MYO16: variants seen among roughly 807,000 people sequenced by gnomAD.
MYO16 encodes myosin XVI.
A neutral mutation model predicts 205.3 loss-of-function variants in MYO16; 94 were observed. The ratio of observed to expected loss-of-function variants is 0.46; its 90% CI spans 0.39 to 0.54. MYO16 has a LOEUF of 0.54. MYO16 is among the 20% of genes least tolerant of loss of function. The pLI is 0.00. For missense variants in MYO16, 2,315 were observed against 2,387.5 expected (o/e 0.97, Z 0.63); for synonymous variants, 988 against 954.0 (o/e 1.04, Z -0.66).
chr13:109,019,262 GCC>G (rs1253339520), intron 22 of MYO16, among the ~76,000 whole-genome samples: 1 of 152,148 alleles, frequency 6.6e-6, no homozygotes, highest in Non-Finnish European at 1.5e-5. Flanking sequence ...ATAGGCCTAA[GCC>G]ACTGCAACCA....
At chr13:108,579,750 CTT>C in the MYO16 span, among the ~76,000 whole-genome samples, 3 of 151,972 alleles carry the variant, frequency 2.0e-5, no homozygotes, top group Non-Finnish European at 4.4e-5. Flanking sequence ...GGCAAGCTTT[CTT>C]TTTTTGTTTT....
intron 6 of MYO16, 88 bp from the exon 7 acceptor site, chr13:108,806,591 A>G (rs1887120595): frequency 1.8e-6 from 2 of 1,138,620 alleles, no homozygotes; most frequent in African/African-American, 1.5e-5. Flanking sequence ...CCACCATTTC[A>G]TTAAGTAGCT....
chr13:109,089,084 GGA>G (rs1888537668), intron 27 of MYO16, among the ~76,000 whole-genome samples: 1 of 152,118 alleles, frequency 6.6e-6, no homozygotes, highest in African/African-American at 2.4e-5. Context: ...AGAGGGTGGG[GGA>G]GAGGGGGAAT....
At chr13:109,097,734 A>G (rs906331262) in intron 27 of MYO16, among the ~76,000 whole-genome samples, 6 of 152,198 alleles carry the variant, frequency 3.9e-5, no homozygotes, top group Non-Finnish European at 5.9e-5. Context: ...CAGTTACTTC[A>G]GCCTCAGTCT....
rs7325649 is a variant in MYO16 at position 108,784,138 on chromosome 13, C to T, written c.508-1497C>T. Among the ~76,000 whole-genome samples, 1,219 of 152,178 alleles carry T rather than the reference C, an allele frequency of 8.0e-3. 13 individuals are homozygous for T. Among genetic ancestry groups the T allele is most frequent in the African/African-American group, 0.028 (1,161 of 41,520 alleles). The stretch of plus-strand genomic sequence containing the variant: ...TCCTTGACCAAAGCACTGCCGTGTT[C>T]GTTACAGGAACACAAAATCTTATTC... On this transcript the variant is annotated intron_variant, in intron 4 of 34. Coordinates refer to ENST00000457511, the MANE Select transcript of MYO16 (RefSeq NM_001198950.3).
At chr13:108,670,509 TA>T (rs1194254295) in intron 2 of MYO16, among the ~76,000 whole-genome samples, 1 of 152,122 alleles carries the variant, frequency 6.6e-6, no homozygotes, top group East Asian at 1.9e-4. Flanking sequence ...GGCCCTTGGC[TA>T]ACAGTGAGGG....
At chr13:108,876,943 G>A (rs530467780) in intron 12 of MYO16, among the ~76,000 whole-genome samples, 1 of 152,196 alleles carries the variant, frequency 6.6e-6, no homozygotes, top group East Asian at 1.9e-4. Context: ...TGGGATTACA[G>A]GCGTGAGTCA....
chr13:108,737,090 C>T (rs1248722214), intron 4 of MYO16, among the ~76,000 whole-genome samples: 1 of 152,162 alleles, frequency 6.6e-6, no homozygotes, highest in Non-Finnish European at 1.5e-5. Context: ...CAAACAGGGA[C>T]AATTTGACTT....
the MYO16 span, among the ~76,000 whole-genome samples, chr13:108,550,952 G>A: frequency 2.6e-5 from 4 of 152,270 alleles, no homozygotes; most frequent in South Asian, 8.3e-4. Flanking sequence ...TTAAGGTCAG[G>A]AAATCAATAT....
chr13:108,856,182 A>T (rs182920550), intron 11 of MYO16, among the ~76,000 whole-genome samples: 57 of 152,222 alleles, frequency 3.7e-4, no homozygotes, highest in South Asian at 6.2e-4. Flanking sequence ...ATCAAAATCA[A>T]TCTCTTTCTC....
intron 34 of MYO16, among the ~76,000 whole-genome samples, chr13:109,186,451 C>T (rs1879693658): frequency 6.6e-6 from 1 of 152,154 alleles, no homozygotes; most frequent in Non-Finnish European, 1.5e-5. Flanking sequence ...AAACCTAATT[C>T]AGTGATCTCC....
At chr13:108,883,618 C>T (rs958904359) in intron 13 of MYO16, among the ~76,000 whole-genome samples, 7 of 151,684 alleles carry the variant, frequency 4.6e-5, no homozygotes, top group Middle Eastern at 6.8e-3. Flanking sequence ...TCACAATTCA[C>T]TGTACTCTAC....
At chr13:109,009,995 A>G (rs1480854264) in intron 22 of MYO16, among the ~76,000 whole-genome samples, 1 of 152,194 alleles carries the variant, frequency 6.6e-6, no homozygotes, top group African/African-American at 2.4e-5. Flanking sequence ...CTAGCTTGCC[A>G]TGTTCTCTTC....
chr13:108,897,987 G>A (rs1880512019), intron 14 of MYO16, 29 bp from the exon 15 acceptor site: 2 of 1,499,690 alleles, frequency 1.3e-6, no homozygotes, highest in Non-Finnish European at 1.9e-6. Flanking sequence ...AATATGAGCA[G>A]TTCAGTAAAA....
intron 21 of MYO16, among the ~76,000 whole-genome samples, chr13:108,995,622 A>G (rs1376404724): frequency 6.6e-6 from 1 of 151,762 alleles, no homozygotes; most frequent in Non-Finnish European, 1.5e-5. Context: ...CTGGTGTGTG[A>G]TGTTCCCCTT....
intron 5 of MYO16, among the ~76,000 whole-genome samples, chr13:108,789,462 T>C (rs565937298): frequency 1.3e-5 from 2 of 152,114 alleles, no homozygotes; most frequent in Non-Finnish European, 2.9e-5. Context: ...TGTCATGTGT[T>C]TTTCTTTTGT....
intron 7 of MYO16, among the ~76,000 whole-genome samples, chr13:108,811,708 G>C (rs967882539): frequency 2.6e-5 from 4 of 152,088 alleles, no homozygotes; most frequent in African/African-American, 9.7e-5. Flanking sequence ...CCAGTGGACT[G>C]TGTCGAGATA....
intron 28 of MYO16, among the ~76,000 whole-genome samples, chr13:109,116,646 C>G (rs533900868): frequency 6.6e-6 from 1 of 152,240 alleles, no homozygotes; most frequent in Admixed American, 6.5e-5. Flanking sequence ...TATAATTTAC[C>G]CTCCATATCT....
intron 34 of MYO16, among the ~76,000 whole-genome samples, chr13:109,184,323 G>A (rs1289522123): frequency 6.6e-6 from 1 of 152,044 alleles, no homozygotes; most frequent in South Asian, 2.1e-4. Context: ...AAAAAATGAA[G>A]GTAGTAAATT....
Sources: gnomAD v4.1 joint callset for allele counts (sites outside exome capture counted in the v4.1 genomes callset) on GRCh38, gnomAD v4.1.1 for gene constraint, MANE v1.5 for transcripts, NCBI Gene and HGNC (gene_info 2026-07-23, HGNC 2026-07-21) for gene names.